Variants in PDZRN4 observed in about 807,000 individuals in gnomAD.
The protein encoded by PDZRN4 is PDZ domain-containing RING finger protein 4.
PDZRN4 carries 70 observed loss-of-function variants against 99.0 expected under a neutral mutation model. That is an observed-to-expected ratio of 0.71 (90% CI 0.58 to 0.86). The LOEUF (loss-of-function observed/expected upper bound fraction) is 0.86, where lower values mean the gene tolerates loss of function less well. PDZRN4 is among the 40% of genes least tolerant of loss of function. The probability of loss-of-function intolerance (pLI) is 0.00; values close to 1 mark genes in which losing one functional copy is unlikely to be tolerated. For missense variants in PDZRN4, 1,474 were observed against 1,331.2 expected, an observed-to-expected ratio of 1.11 and a Z score of -1.67; for synonymous variants, 551 against 501.6, an observed-to-expected ratio of 1.10 and a Z score of -1.32.
At position 41,443,753 on chromosome 12, in the gene PDZRN4, T is replaced by C. The variant is rs927660106; in HGVS notation, c.844-62703T>C. Among the ~76,000 whole-genome samples the C allele has an allele frequency of 3.9e-5, 6 of 152,228 alleles. No individual in the cohort carries two copies. The East Asian group carries it at 1.2e-3, about 29-fold the overall frequency. ...GGCTCTTGAGACTGGGTTGATGTCA[T>C]GAAGTTTACAGAGAGAAGAAATAAA... On this transcript the variant is annotated intron_variant, in intron 3 of 9. Coordinates refer to ENST00000402685, the MANE Select transcript of PDZRN4 (RefSeq NM_001164595.2).
chr12:41,377,902 TA>T (rs1323879699), intron 3 of PDZRN4, among the ~76,000 whole-genome samples: 1 of 152,224 alleles, frequency 6.6e-6, no homozygotes, highest in East Asian at 1.9e-4. Flanking sequence ...TAGGGTTTTC[TA>T]CATATAAGAT....
intron 3 of PDZRN4, among the ~76,000 whole-genome samples, chr12:41,387,227 G>C (rs1257848168): frequency 1.3e-5 from 2 of 152,036 alleles, no homozygotes; most frequent in Admixed American, 6.6e-5. Flanking sequence ...TCTAACAAAG[G>C]CTTACTGTCC....
chr12:41,235,300 C>A (rs963246640), intron 3 of PDZRN4, among the ~76,000 whole-genome samples: 1 of 151,860 alleles, frequency 6.6e-6, no homozygotes, highest in African/African-American at 2.4e-5. Flanking sequence ...TCTTTTGCAA[C>A]AATATATACC....
chr12:41,450,044 T>G (rs1952762230), intron 3 of PDZRN4, among the ~76,000 whole-genome samples: 1 of 151,964 alleles, frequency 6.6e-6, no homozygotes, highest in South Asian at 2.1e-4. Flanking sequence ...AAATGAGAAT[T>G]TCTTCAACTG....
chr12:41,229,937 TA>T (rs2120750160), intron 3 of PDZRN4, among the ~76,000 whole-genome samples: 1 of 152,180 alleles, frequency 6.6e-6, no homozygotes, highest in South Asian at 2.1e-4. Flanking sequence ...TTGGTGGACT[TA>T]GTGGTTTTTC....
At chr12:41,512,468 G>A (rs1172466921) in intron 5 of PDZRN4, among the ~76,000 whole-genome samples, 2 of 152,098 alleles carry the variant, frequency 1.3e-5, no homozygotes, top group African/African-American at 4.8e-5. Flanking sequence ...TTTTCAGAAA[G>A]AAGGAAGGGC....
rs530737588 is a variant in PDZRN4, at chr12:41,304,996, A to G, written c.843+110808A>G. On this transcript the variant is annotated intron_variant, in intron 3 of 9. Coordinates refer to ENST00000402685, the MANE Select transcript of PDZRN4 (RefSeq NM_001164595.2). ...AGCATTGCAGACAGGCAAGAATAGC[A>G]GATTAAAAGGCAAAGGTGGTGTAGC... is the stretch of plus-strand genomic sequence containing the variant. Among the ~76,000 whole-genome samples, 110 of 152,350 alleles carry G rather than the reference A, an allele frequency of 7.2e-4. 1 individual carries two copies. The highest frequency in any genetic ancestry group is 2.5e-3 in the African/African-American group (103 of 41,576).
intron 3 of PDZRN4, among the ~76,000 whole-genome samples, chr12:41,293,159 C>T (rs1951466868): frequency 7.1e-6 from 1 of 141,322 alleles, no homozygotes; most frequent in Non-Finnish European, 1.6e-5. Context: ...CTTATACCCA[C>T]ATTCCACCAG....
chr12:41,457,223 A>G (rs904399476), intron 3 of PDZRN4, among the ~76,000 whole-genome samples: 3 of 152,186 alleles, frequency 2.0e-5, no homozygotes, highest in Admixed American at 6.5e-5. Context: ...ACACTATGCT[A>G]TTGGAGTATA....
At chr12:41,238,122 T>A (rs950572735) in intron 3 of PDZRN4, among the ~76,000 whole-genome samples, 1 of 152,190 alleles carries the variant, frequency 6.6e-6, no homozygotes, top group African/African-American at 2.4e-5. Context: ...TTTTTGCATC[T>A]GCTTGTGTCT....
intron 7 of PDZRN4, among the ~76,000 whole-genome samples, chr12:41,557,119 C>T (rs928835616): frequency 2.1e-5 from 3 of 143,032 alleles, no homozygotes; most frequent in Non-Finnish European, 4.5e-5. Context: ...CCACTGTACT[C>T]CAGCCTGGAT....
intron 3 of PDZRN4, among the ~76,000 whole-genome samples, chr12:41,360,471 G>A (rs1242814613): frequency 6.6e-6 from 1 of 151,984 alleles, no homozygotes; most frequent in Non-Finnish European, 1.5e-5. Context: ...CAGACATTCA[G>A]TTCCAGCATA....
intron 5 of PDZRN4, among the ~76,000 whole-genome samples, chr12:41,537,672 T>G (rs553858262): frequency 6.6e-6 from 1 of 152,238 alleles, no homozygotes; most frequent in South Asian, 2.1e-4. Context: ...ATTAAGAAGA[T>G]TCATCAGGCA....
At chr12:41,333,216 A>G (rs1205284228) in intron 3 of PDZRN4, among the ~76,000 whole-genome samples, 2 of 152,114 alleles carry the variant, frequency 1.3e-5, no homozygotes, top group Non-Finnish European at 2.9e-5. Context: ...CAATGAGCTA[A>G]GGTTCTGAGA....
At chr12:41,289,062 T>C (rs1221395015) in intron 3 of PDZRN4, among the ~76,000 whole-genome samples, 2 of 151,910 alleles carry the variant, frequency 1.3e-5, no homozygotes, top group East Asian at 1.9e-4. Flanking sequence ...GGAGGTGAGA[T>C]GGATATTTCA....
chr12:41,327,617 A>G (rs1390108333), intron 3 of PDZRN4, among the ~76,000 whole-genome samples: 1 of 152,208 alleles, frequency 6.6e-6, no homozygotes, highest in Non-Finnish European at 1.5e-5. Context: ...CTCTTGAAAC[A>G]GTGCAGAAGG....
chr12:41,465,776 A>G (rs1162618749), intron 3 of PDZRN4, among the ~76,000 whole-genome samples: 1 of 152,144 alleles, frequency 6.6e-6, no homozygotes, highest in African/African-American at 2.4e-5. Context: ...TTTACTTAAG[A>G]CTGTTTTAGT....
At chr12:41,470,282 C>T (rs1952973385) in intron 3 of PDZRN4, among the ~76,000 whole-genome samples, 3 of 152,158 alleles carry the variant, frequency 2.0e-5, no homozygotes, top group Admixed American at 6.5e-5. Flanking sequence ...CAAGGAAACT[C>T]AGACTTATTT....
At chr12:41,333,235 C>T (rs1189353875) in intron 3 of PDZRN4, among the ~76,000 whole-genome samples, 2 of 152,100 alleles carry the variant, frequency 1.3e-5, no homozygotes, top group East Asian at 1.9e-4. Flanking sequence ...GACAGGTCAT[C>T]GTGGGTCTCT....
Sources: gnomAD v4.1 joint callset for allele counts (sites outside exome capture counted in the v4.1 genomes callset) on GRCh38, gnomAD v4.1.1 for gene constraint, MANE v1.5 for transcripts, NCBI Gene and HGNC (gene_info 2026-07-23, HGNC 2026-07-21) for gene names.